The following AQR variants were observed in gnomAD, a reference collection of about 807,000 sequenced individuals.
AQR encodes the protein aquarius intron-binding spliceosomal factor.
A neutral mutation model predicts 180.5 loss-of-function variants in AQR; 61 were observed. That is an observed-to-expected ratio of 0.34 (90% CI 0.28 to 0.42). The LOEUF (loss-of-function observed/expected upper bound fraction) is 0.42. Among genes scored for constraint, AQR ranks in the 10% least tolerant of loss-of-function variants. AQR has a pLI of 1.00. For missense variants in AQR, 1,281 were observed against 1,798.3 expected (o/e 0.71, Z 5.20); for synonymous variants, 551 against 588.8 (o/e 0.94, Z 0.93).
At chr15:34,943,444 AAAAT>A (rs3062307) in intron 6 of AQR, 100,782 of 510,942 alleles carry the variant, frequency 0.2, 13,995 homozygotes, top group African/African-American at 0.35. Context: ...GTTTATGTTC[AAAAT>A]AAATAAATAA....
At position 34,856,280 on chromosome 15, in the gene AQR, C is replaced by A. The variant is rs1385582566; in HGVS notation, c.*512G>T. 5 of 335,804 alleles carry A rather than the reference C, an allele frequency of 1.5e-5. No homozygotes were observed. Among genetic ancestry groups the A allele is most frequent in the Non-Finnish European group, 2.7e-5 (5 of 188,252 alleles). 20.8% of individuals were successfully genotyped at this position (335,804 alleles called of 1,614,324 possible). ...TTTGAGAGAAGGAAATGCATGTAAC[C>A]ACTTTGATAGATTGAAGAAACCTGT... On this transcript the variant is annotated 3_prime_UTR_variant, in exon 35 of 35. Transcript: ENST00000156471.
intron 27 of AQR, among the ~76,000 whole-genome samples, chr15:34,882,194 T>C (rs1007011994): frequency 6.6e-6 from 1 of 152,108 alleles, no homozygotes; most frequent in Non-Finnish European, 1.5e-5. Flanking sequence ...AGGTGAATTT[T>C]AGGCTTTTTT....
chr15:34,957,157 A>T (rs1566791545), intron 3 of AQR, among the ~76,000 whole-genome samples: 2 of 150,754 alleles, frequency 1.3e-5, no homozygotes, highest in African/African-American at 2.4e-5. Flanking sequence ...GGTCATTTAA[A>T]TTTTTTTTTT....
In AQR at chr15:34,916,262, C is replaced by T. The variant is rs146992384; in HGVS notation, c.1343-1083G>A. On this transcript the variant is annotated intron_variant, in intron 15 of 34. Coordinates refer to ENST00000156471, the MANE Select transcript of AQR (RefSeq NM_014691.3). ...GCTCTGAACTTGCCTTCTGGCTAAA[C>T]TTTAAGGACCAGACATTGTTTGTAT... 6.6e-3 allele frequency among the ~76,000 whole-genome samples: 1,010 copies of T among 152,286 alleles called. 12 individuals are homozygous for T. The highest frequency in any genetic ancestry group is 0.023 in the African/African-American group (960 of 41,570).
intron 23 of AQR, among the ~76,000 whole-genome samples, chr15:34,891,592 T>C (rs754610304): frequency 2.6e-5 from 4 of 152,178 alleles, no homozygotes; most frequent in Non-Finnish European, 5.9e-5. Flanking sequence ...GATTGTGCTA[T>C]ACAAATCAAT....
In AQR at chr15:34,856,743, C is replaced by T. The variant is rs1199469457; in HGVS notation, c.*49G>A. 2 of 1,418,824 alleles carry T rather than the reference C, an allele frequency of 1.4e-6. No homozygotes were observed. Among genetic ancestry groups the T allele is most frequent in the African/African-American group, 1.4e-5 (1 of 69,852 alleles). The allele number at this position is 1,418,824 out of a possible 1,614,324, so 87.9% of individuals were successfully genotyped here. ...ATATAAAATACAAAAAACAGCTTTA[C>T]TCAGACTTTTTGACTGCCATGTCCT... On this transcript the variant is annotated 3_prime_UTR_variant, in exon 35 of 35. Coordinates refer to ENST00000156471, the MANE Select transcript of AQR (RefSeq NM_014691.3).
intron 32 of AQR, among the ~76,000 whole-genome samples, chr15:34,866,263 T>C (rs1472386835): frequency 6.6e-6 from 1 of 152,126 alleles, no homozygotes; most frequent in Non-Finnish European, 1.5e-5. Context: ...TCATAAATAA[T>C]GAACTGACAT....
At chr15:34,967,179 C>T (rs971054997) in intron 1 of AQR, among the ~76,000 whole-genome samples, 3 of 152,040 alleles carry the variant, frequency 2.0e-5, no homozygotes, top group Non-Finnish European at 4.4e-5. Flanking sequence ...GAGCCACAAG[C>T]CACCGCACCC....
chr15:34,934,706 G>T, intron 9 of AQR, 71 bp from the exon 10 acceptor site: 1 of 1,007,800 alleles, frequency 9.9e-7, no homozygotes, highest in Non-Finnish European at 1.4e-6. Flanking sequence ...CTGAAAACTG[G>T]CAGTTATTTA....
intron 27 of AQR, among the ~76,000 whole-genome samples, chr15:34,881,014 T>C (rs1346680165): frequency 6.6e-6 from 1 of 152,170 alleles, no homozygotes; most frequent in Admixed American, 6.5e-5. Context: ...CGTTGACGTG[T>C]AGCATGATTT....
intron 30 of AQR, among the ~76,000 whole-genome samples, chr15:34,872,777 C>T (rs1040923976): frequency 2.0e-5 from 3 of 151,958 alleles, no homozygotes; most frequent in African/African-American, 4.8e-5. Flanking sequence ...ATAAATGATG[C>T]TTTTTCATGA....
intron 5 of AQR, among the ~76,000 whole-genome samples, chr15:34,944,689 T>C (rs1894082641): frequency 6.6e-6 from 1 of 152,204 alleles, no homozygotes; most frequent in African/African-American, 2.4e-5. Flanking sequence ...TTTTCCTCTG[T>C]GGATTATGCC....
chr15:34,948,788 C>G (rs943888344), intron 4 of AQR, among the ~76,000 whole-genome samples: 10 of 147,692 alleles, frequency 6.8e-5, no homozygotes, highest in African/African-American at 2.5e-4. Context: ...CAGAGCTAGA[C>G]TCCATCTCAA....
intron 31 of AQR, chr15:34,867,994 G>GT (rs1892761614): frequency 1.1e-5 from 2 of 178,382 alleles, no homozygotes; most frequent in East Asian, 3.7e-4. Flanking sequence ...ATTACTTAAC[G>GT]TATCACTAGT....
intron 8 of AQR, among the ~76,000 whole-genome samples, chr15:34,939,436 A>G (rs1893992375): frequency 6.6e-6 from 1 of 152,230 alleles, no homozygotes; most frequent in African/African-American, 2.4e-5. Flanking sequence ...AAGTTTCAAA[A>G]TTCCATTTAT....
chr15:34,936,708 T>G (rs1468228007), intron 9 of AQR, among the ~76,000 whole-genome samples: 15 of 149,282 alleles, frequency 1.0e-4, no homozygotes, highest in Non-Finnish European at 2.2e-4. Context: ...AGAATGAGAC[T>G]CCATCTTTAA....
chr15:34,935,394 A>G (rs988124957), intron 9 of AQR, among the ~76,000 whole-genome samples: 8 of 152,280 alleles, frequency 5.3e-5, no homozygotes, highest in African/African-American at 1.9e-4. Context: ...ATTAAAACAA[A>G]GATAATTTTA....
chr15:34,963,783 C>T (rs961991083), intron 2 of AQR, among the ~76,000 whole-genome samples: 9 of 150,904 alleles, frequency 6.0e-5, no homozygotes, highest in Non-Finnish European at 1.2e-4. Context: ...CCTGCCTCAG[C>T]CTCCCGAGTA....
chr15:34,934,524 G>C (rs372203059), intron 10 of AQR, 47 bp downstream of exon 10: 59 of 1,396,404 alleles, frequency 4.2e-5, no homozygotes, highest in Non-Finnish European at 5.7e-5. Context: ...CTTAATCTTA[G>C]ACCCCCTAAT....
Sources: allele counts gnomAD v4.1 joint callset (sites outside exome capture counted in the v4.1 genomes callset), GRCh38; gene constraint gnomAD v4.1.1; transcripts MANE v1.5; gene names NCBI Gene and HGNC (gene_info 2026-07-23, HGNC 2026-07-21).